The following OPCML variants were observed in gnomAD, a reference collection of about 807,000 sequenced individuals.
OPCML encodes the protein opioid binding protein/cell adhesion molecule like, also known as opioid-binding protein/cell adhesion molecule.
OPCML carries 13 observed loss-of-function variants against 37.8 expected under a neutral mutation model. The observed-to-expected ratio is 0.34, with a 90% CI of 0.22 to 0.55. The LOEUF (loss-of-function observed/expected upper bound fraction) is 0.55. Among genes scored for constraint, OPCML ranks in the 20% least tolerant of loss-of-function variants. The pLI, the probability that OPCML is intolerant of heterozygous loss-of-function variation, is 0.91. For missense variants in OPCML, 341 were observed against 435.6 expected (o/e 0.78, Z 1.93); for synonymous variants, 176 against 168.8 (o/e 1.04, Z -0.33).
chr11:133,318,764 C>T lies in OPCML; in HGVS notation c.61+213500G>A, dbSNP rs376711181. ...CTAAAAATTCATGAGGGGCTGGGAG[C>T]AGTGGTTCACGCCTGTAATCTCAGC... is the stretch of plus-strand genomic sequence containing the variant. On this transcript the variant is annotated intron_variant, in intron 1 of 7. Coordinates refer to ENST00000524381, the MANE Select transcript of OPCML (RefSeq NM_001012393.5). Among the ~76,000 whole-genome samples the T allele has an allele frequency of 3.3e-5, 5 of 152,282 alleles. No individual in the cohort carries two copies. In the East Asian group the frequency reaches 7.7e-4, roughly 24 times the overall value.
intron 1 of OPCML, among the ~76,000 whole-genome samples, chr11:133,073,080 G>A (rs1948564073): frequency 6.6e-6 from 1 of 152,204 alleles, no homozygotes; most frequent in Non-Finnish European, 1.5e-5. Flanking sequence ...ACAGCCTTCT[G>A]AGGAACCAGG....
intron 1 of OPCML, among the ~76,000 whole-genome samples, chr11:133,109,101 CAA>C (rs1233869333): frequency 6.6e-6 from 1 of 152,180 alleles, no homozygotes; most frequent in African/African-American, 2.4e-5. Context: ...CTCTAGCTCA[CAA>C]AGTTTTCCTT....
intron 1 of OPCML, among the ~76,000 whole-genome samples, chr11:133,015,403 G>T (rs368866143): frequency 0.01 from 771 of 76,916 alleles, 14 homozygotes; most frequent in African/African-American, 0.04. Flanking sequence ...AATGAAGGAA[G>T]GAAGGAAGGA....
At chr11:133,529,925 TCA>T (rs1233359464) in intron 1 of OPCML, among the ~76,000 whole-genome samples, 1 of 152,210 alleles carries the variant, frequency 6.6e-6, no homozygotes, top group Non-Finnish European at 1.5e-5. Flanking sequence ...AAGCGTTCTT[TCA>T]CCGACACCTT....
rs149348562 is a variant in OPCML, at chr11:132,672,468, T to A, written c.147-15149A>T. ...CTCCCACCTTCATTAAGCACTGAAG[T>A]AGTTGTGGATCTTGGAAAGAAGCGG... On this transcript the variant is annotated intron_variant, in intron 2 of 7. Coordinates refer to ENST00000524381, the MANE Select transcript of OPCML (RefSeq NM_001012393.5). Among the ~76,000 whole-genome samples the A allele has an allele frequency of 1.5e-3, 223 of 152,246 alleles. 3 individuals carry two copies. The highest frequency in any genetic ancestry group is 4.6e-3 in the African/African-American group (193 of 41,556).
At chr11:132,847,066 A>G (rs1941573777) in intron 2 of OPCML, among the ~76,000 whole-genome samples, 1 of 152,182 alleles carries the variant, frequency 6.6e-6, no homozygotes, top group Non-Finnish European at 1.5e-5. Context: ...ATAATATGAT[A>G]CATCTTGGAG....
intron 4 of OPCML, among the ~76,000 whole-genome samples, chr11:132,471,922 T>C (rs941726447): frequency 1.1e-4 from 17 of 152,160 alleles, no homozygotes; most frequent in Non-Finnish European, 2.4e-4. Context: ...TTGCCTTCAC[T>C]TTCCCTCACC....
intron 2 of OPCML, among the ~76,000 whole-genome samples, chr11:132,660,096 A>G (rs1050178895): frequency 3.3e-5 from 5 of 152,216 alleles, no homozygotes; most frequent in Non-Finnish European, 7.3e-5. Context: ...ATAATTAAAC[A>G]TGAAAAAGCA....
intron 2 of OPCML, among the ~76,000 whole-genome samples, chr11:132,702,672 C>T (rs1943874601): frequency 1.3e-5 from 2 of 152,030 alleles, no homozygotes; most frequent in South Asian, 4.1e-4. Context: ...TCTTTCTTTG[C>T]TCCTTCTGGA....
At chr11:133,448,402 G>A (rs531377814) in intron 1 of OPCML, among the ~76,000 whole-genome samples, 212 of 152,224 alleles carry the variant, frequency 1.4e-3, no homozygotes, top group African/African-American at 4.9e-3. Flanking sequence ...TGAGCTACAT[G>A]TCTAACCTTG....
chr11:133,083,153 CACACGCACACACCCCGCCGA>C (rs1186595520), intron 1 of OPCML, among the ~76,000 whole-genome samples: 1 of 150,930 alleles, frequency 6.6e-6, no homozygotes, highest in Non-Finnish European at 1.5e-5. Flanking sequence ...CGCACACACA[CACACGCACACACCCCGCCGA>C]GCGGGCCGCA....
intron 1 of OPCML, among the ~76,000 whole-genome samples, chr11:133,152,612 C>T (rs11605052): frequency 0.21 from 32,074 of 151,558 alleles, 3,580 homozygotes; most frequent in South Asian, 0.3. Flanking sequence ...TGACTCTTTT[C>T]CTGGTGCAGA....
chr11:132,834,400 G>A (rs985324839), intron 2 of OPCML, among the ~76,000 whole-genome samples: 2 of 152,176 alleles, frequency 1.3e-5, no homozygotes, highest in African/African-American at 4.8e-5. Flanking sequence ...ATTTCCTGGG[G>A]CTGCTGTCAC....
At chr11:132,856,862 C>T (rs553739363) in intron 2 of OPCML, among the ~76,000 whole-genome samples, 1 of 152,346 alleles carries the variant, frequency 6.6e-6, no homozygotes, top group South Asian at 2.1e-4. Context: ...CCGCACAGCA[C>T]ACTTGGATCT....
chr11:132,752,665 GT>G (rs11295256), intron 2 of OPCML, among the ~76,000 whole-genome samples: 19,834 of 145,044 alleles, frequency 0.14, 1,771 homozygotes, highest in African/African-American at 0.26. Flanking sequence ...ACTCAATGTT[GT>G]TTTTTTTTTT....
At chr11:132,726,740 A>G (rs1271930440) in intron 2 of OPCML, among the ~76,000 whole-genome samples, 1 of 152,090 alleles carries the variant, frequency 6.6e-6, no homozygotes, top group African/African-American at 2.4e-5. Flanking sequence ...GGAAGCAGAG[A>G]GTTAGGATGG....
intron 1 of OPCML, among the ~76,000 whole-genome samples, chr11:132,991,128 C>A (rs1946767226): frequency 6.6e-6 from 1 of 152,180 alleles, no homozygotes; most frequent in Non-Finnish European, 1.5e-5. Flanking sequence ...GCACTGGACA[C>A]ACTTCTTCAC....
intron 1 of OPCML, among the ~76,000 whole-genome samples, chr11:132,989,461 T>C (rs1266538215): frequency 6.6e-6 from 1 of 152,212 alleles, no homozygotes; most frequent in Non-Finnish European, 1.5e-5. Flanking sequence ...GAGACTCATA[T>C]GTATGTGATG....
intron 2 of OPCML, among the ~76,000 whole-genome samples, chr11:132,874,090 G>C (rs985338218): frequency 1.3e-5 from 2 of 152,174 alleles, no homozygotes; most frequent in African/African-American, 4.8e-5. Flanking sequence ...TGACCATTCA[G>C]GGTTTGGGTT....
Sources: gnomAD v4.1 joint callset for allele counts (sites outside exome capture counted in the v4.1 genomes callset) on GRCh38, gnomAD v4.1.1 for gene constraint, MANE v1.5 for transcripts, NCBI Gene and HGNC (gene_info 2026-07-23, HGNC 2026-07-21) for gene names.